Variants in FRMD4B observed in about 807,000 individuals in gnomAD.
The protein encoded by FRMD4B is FERM domain-containing protein 4B.
FRMD4B carries 74 observed loss-of-function variants against 141.5 expected under a neutral mutation model. That is an observed-to-expected ratio of 0.52 (90% CI 0.43 to 0.63). The LOEUF (loss-of-function observed/expected upper bound fraction) is 0.63, where lower values mean the gene tolerates loss of function less well. Among genes scored for constraint, FRMD4B ranks in the 30% least tolerant of loss-of-function variants. The pLI, the probability that FRMD4B is intolerant of heterozygous loss-of-function variation, is 0.00. For missense variants in FRMD4B, 1,366 were observed against 1,253.4 expected, an observed-to-expected ratio of 1.09 and a Z score of -1.36; for synonymous variants, 506 against 467.9, an observed-to-expected ratio of 1.08 and a Z score of -1.05.
chr3:69,533,908 C>T (rs561417394), intron 1 of FRMD4B, among the ~76,000 whole-genome samples: 1 of 152,316 alleles, frequency 6.6e-6, no homozygotes, highest in African/African-American at 2.4e-5. Context: ...CATGATTACG[C>T]ATCTGGGAGA....
intron 1 of FRMD4B, among the ~76,000 whole-genome samples, chr3:69,384,732 G>A (rs1200545441): frequency 6.6e-6 from 1 of 152,148 alleles, no homozygotes; most frequent in Non-Finnish European, 1.5e-5. Context: ...GGTGACAAGG[G>A]GACGCTGACT....
rs763694830 is a variant in FRMD4B, at chr3:69,224,617, G to C, written c.655C>G (p.Leu219Val). 3.2e-6 allele frequency: 5 copies of C among 1,554,286 alleles called. No homozygotes were observed. The highest frequency in any genetic ancestry group is 2.7e-6 in the Non-Finnish European group (3 of 1,130,814). ...PTKTLQEHPS[L>V]AYCEDRVIEH... The stretch of plus-strand genomic sequence containing the variant: ...GTGGATTTGGCTTACCAGTAGGCAA[G>C]GGATGGATGCTCCTGAAGAGTTTTG... The change falls in exon 8 of 23, where the codon CTT becomes GTT. Residue 219 changes from leucine (L) to valine (V), a missense_variant. Coordinates refer to ENST00000398540, the MANE Select transcript of FRMD4B (RefSeq NM_015123.3).
intron 1 of FRMD4B, among the ~76,000 whole-genome samples, chr3:69,439,301 A>G (rs1479731487): frequency 6.6e-6 from 1 of 152,200 alleles, no homozygotes; most frequent in Non-Finnish European, 1.5e-5. Flanking sequence ...AGGATGCGAC[A>G]GCACACATCC....
intron 2 of FRMD4B, among the ~76,000 whole-genome samples, chr3:69,399,070 T>C (rs1040997004): frequency 1.3e-5 from 2 of 152,136 alleles, no homozygotes; most frequent in Non-Finnish European, 2.9e-5. Flanking sequence ...TTGGAACAAA[T>C]AAATCTTAAG....
At chr3:69,408,713 G>C (rs1704700135) in intron 2 of FRMD4B, among the ~76,000 whole-genome samples, 1 of 152,180 alleles carries the variant, frequency 6.6e-6, no homozygotes, top group African/African-American at 2.4e-5. Context: ...GCTGGAGCCA[G>C]CAGCATTTGG....
chr3:69,194,943 C>T (rs2092884055), intron 16 of FRMD4B, 79 bp downstream of exon 16: 2 of 1,378,162 alleles, frequency 1.5e-6, no homozygotes, highest in African/African-American at 2.8e-5. Context: ...GACTCAAAAA[C>T]CAAAGGAAAA....
intron 3 of FRMD4B, among the ~76,000 whole-genome samples, chr3:69,304,976 A>G (rs1303538749): frequency 6.6e-6 from 1 of 152,228 alleles, no homozygotes; most frequent in Non-Finnish European, 1.5e-5. Flanking sequence ...TATGAGTAGT[A>G]GTAATAATAA....
chr3:69,246,541 T>G (rs1046197334), intron 7 of FRMD4B, among the ~76,000 whole-genome samples: 1 of 152,178 alleles, frequency 6.6e-6, no homozygotes, highest in African/African-American at 2.4e-5. Context: ...ATCCTCTCTA[T>G]TCAGGGGAGA....
intron 5 of FRMD4B, among the ~76,000 whole-genome samples, chr3:69,260,666 C>T (rs1302058276): frequency 6.6e-6 from 1 of 152,200 alleles, no homozygotes; most frequent in African/African-American, 2.4e-5. Flanking sequence ...GCGGGAAACT[C>T]TGCCCGCAGC....
intron 1 of FRMD4B, among the ~76,000 whole-genome samples, chr3:69,363,575 G>C (rs1424661691): frequency 6.6e-6 from 1 of 151,878 alleles, no homozygotes; most frequent in Non-Finnish European, 1.5e-5. Flanking sequence ...ATTTTTAGTA[G>C]AGACGGAATT....
At chr3:69,304,002 C>T (rs1437183045) in intron 3 of FRMD4B, among the ~76,000 whole-genome samples, 1 of 151,850 alleles carries the variant, frequency 6.6e-6, no homozygotes, top group Non-Finnish European at 1.5e-5. Context: ...AAAAAAAGTA[C>T]AGGGTCGGTG....
At chr3:69,287,641 G>A (rs1700731214) in intron 5 of FRMD4B, 111 bp downstream of exon 5, 1 of 675,112 alleles carries the variant, frequency 1.5e-6, no homozygotes, top group Non-Finnish European at 2.7e-6. Context: ...AAAAGATTGT[G>A]GCCTTTTTTT....
chr3:69,479,195 A>C (rs1475077464), intron 1 of FRMD4B, among the ~76,000 whole-genome samples: 1 of 150,898 alleles, frequency 6.6e-6, no homozygotes, highest in Non-Finnish European at 1.5e-5. Flanking sequence ...TGGAGCATTT[A>C]GTCCATTTAC....
At chr3:69,452,130 T>C (rs952444292) in intron 1 of FRMD4B, among the ~76,000 whole-genome samples, 1 of 152,270 alleles carries the variant, frequency 6.6e-6, no homozygotes, top group Admixed American at 6.5e-5. Flanking sequence ...TTCCTTCATA[T>C]GTTCACCAGA....
At chr3:69,208,162 C>T (rs1202084887) in intron 11 of FRMD4B, among the ~76,000 whole-genome samples, 1 of 152,136 alleles carries the variant, frequency 6.6e-6, no homozygotes, top group African/African-American at 2.4e-5. Flanking sequence ...CTCCCGGGTT[C>T]AAGCAATTCT....
intron 1 of FRMD4B, among the ~76,000 whole-genome samples, chr3:69,378,394 A>C (rs768499646): frequency 6.6e-6 from 1 of 152,202 alleles, no homozygotes; most frequent in African/African-American, 2.4e-5. Flanking sequence ...ACCTTCTATC[A>C]GGGCACCTGG....
intron 1 of FRMD4B, among the ~76,000 whole-genome samples, chr3:69,344,844 C>T (rs976983934): frequency 6.6e-6 from 1 of 152,092 alleles, no homozygotes; most frequent in Admixed American, 6.5e-5. Context: ...AAAGAAAAAA[C>T]AACCACAGGG....
At position 69,189,977 on chromosome 3, in the gene FRMD4B, A is replaced by C. The variant is rs772557372; in HGVS notation, c.1715-25T>G. On this transcript the variant is annotated intron_variant, in intron 17 of 22. Coordinates refer to ENST00000398540, the MANE Select transcript of FRMD4B (RefSeq NM_015123.3). Reference sequence around the variant, plus strand: ...TCTGTGAATAAAAATAACTGCCTTTAGTACAATTGTGCATTTATACAATTA... The same window carrying C: ...TCTGTGAATAAAAATAACTGCCTTTCGTACAATTGTGCATTTATACAATTA... The C allele has an allele frequency of 4.9e-6, 7 of 1,426,110 alleles. No individual in the cohort carries two copies. In the South Asian group the frequency reaches 8.1e-5, roughly 17 times the overall value. The allele number at this position is 1,426,110 out of a possible 1,614,324, so 88.3% of individuals were successfully genotyped here.
chr3:69,364,458 A>T (rs759535202), intron 1 of FRMD4B, among the ~76,000 whole-genome samples: 10 of 152,228 alleles, frequency 6.6e-5, no homozygotes, highest in Non-Finnish European at 1.2e-4. Context: ...GCAGCTAAAA[A>T]ATATGACAAA....
Sources: allele counts gnomAD v4.1 joint callset (sites outside exome capture counted in the v4.1 genomes callset), GRCh38; gene constraint gnomAD v4.1.1; transcripts MANE v1.5; gene names NCBI Gene and HGNC (gene_info 2026-07-23, HGNC 2026-07-21).